Variants in CTBP2 observed in about 807,000 individuals in gnomAD.
CTBP2 encodes C-terminal-binding protein 2.
CTBP2 carries 30 observed loss-of-function variants against 80.3 expected under a neutral mutation model. That is an observed-to-expected ratio of 0.37 (90% CI 0.28 to 0.51). The LOEUF is 0.51. CTBP2 is among the 20% of genes least tolerant of loss of function. The pLI, the probability that CTBP2 is intolerant of heterozygous loss-of-function variation, is 0.93. For missense variants in CTBP2, 1,212 were observed against 1,375.3 expected, an observed-to-expected ratio of 0.88 and a Z score of 1.88; for synonymous variants, 594 against 587.4, an observed-to-expected ratio of 1.01 and a Z score of -0.16.
intron 2 of CTBP2, among the ~76,000 whole-genome samples, chr10:125,045,305 A>C (rs1960949999): frequency 6.6e-6 from 1 of 152,192 alleles, no homozygotes; most frequent in African/African-American, 2.4e-5. Context: ...CACTCAGTCG[A>C]TGGTATTTTT....
intron 7 of CTBP2, 87 bp from the exon 10 acceptor site, chr10:124,992,899 A>C: frequency 9.4e-7 from 1 of 1,066,144 alleles, no homozygotes; most frequent in Non-Finnish European, 1.4e-6. Context: ...TATGTGGGGA[A>C]ATAAGCATTT....
chr10:125,086,612 TTAAAAAAA>T (rs1434456546), intron 2 of CTBP2, among the ~76,000 whole-genome samples: 11 of 74,458 alleles, frequency 1.5e-4, no homozygotes, highest in African/African-American at 5.5e-4. Context: ...AAAATTTTAT[TTAAAAAAA>T]AAAAAAAAAA....
At chr10:125,137,732 A>C (rs1857177644) in intron 1 of CTBP2, among the ~76,000 whole-genome samples, 1 of 152,216 alleles carries the variant, frequency 6.6e-6, no homozygotes, top group African/African-American at 2.4e-5. Flanking sequence ...GTCAGCAAAA[A>C]TCCGTAAATA....
chr10:125,072,931 C>T (rs187832093), intron 2 of CTBP2, among the ~76,000 whole-genome samples: 175 of 152,292 alleles, frequency 1.1e-3, no homozygotes, highest in African/African-American at 3.9e-3. Flanking sequence ...CTGTTGACTA[C>T]AGTTTTGGCA....
At chr10:125,036,240 G>C (rs1434938692) in intron 3 of CTBP2, among the ~76,000 whole-genome samples, 1 of 152,212 alleles carries the variant, frequency 6.6e-6, no homozygotes, top group African/African-American at 2.4e-5. Context: ...AACAGGGAAA[G>C]GTTGTACAAG....
chr10:125,072,460 A>G (rs923746121), intron 2 of CTBP2, among the ~76,000 whole-genome samples: 4 of 151,922 alleles, frequency 2.6e-5, no homozygotes, highest in African/African-American at 9.7e-5. Flanking sequence ...ACTAAAAACA[A>G]AAACAATTAG....
At position 124,986,632 on chromosome 10, in the gene CTBP2, G is replaced by A; in HGVS notation, c.*2886C>T. 6.6e-6 allele frequency: 1 copy of A among 152,172 alleles called. No individual in the cohort carries two copies. The highest frequency in any genetic ancestry group is 1.9e-4 in the East Asian group (1 of 5,202). The allele number at this position is 152,172 out of a possible 1,614,324, so 9.4% of individuals were successfully genotyped here. A position where few individuals can be genotyped will look rare whatever the true frequency, so the allele number is the denominator to read the frequency against. On this transcript the variant is annotated 3_prime_UTR_variant, in exon 9 of 9. Coordinates refer to ENST00000309035, the MANE Select transcript of CTBP2 (RefSeq NM_022802.3). ...ATGTAAATGCTGCTGTTTGTTTCAA[G>A]TGGTGAATGTGTTGTTAAAAATTGG...
intron 2 of CTBP2, among the ~76,000 whole-genome samples, chr10:125,076,353 C>A (rs973430936): frequency 1.8e-4 from 27 of 152,304 alleles, no homozygotes; most frequent in Admixed American, 1.4e-3. Flanking sequence ...TTTGGGAGCA[C>A]GGCCATCGCC....
At chr10:125,038,255 G>T (rs573660153) in intron 3 of CTBP2, among the ~76,000 whole-genome samples, 1 of 152,294 alleles carries the variant, frequency 6.6e-6, no homozygotes, top group East Asian at 1.9e-4. Context: ...ACTTCAGCGT[G>T]TGCGTGAAGG....
chr10:125,003,288 G>A, intron 2 of CTBP2, 50 bp downstream of exon 4: 1 of 1,593,770 alleles, frequency 6.3e-7, no homozygotes, highest in Non-Finnish European at 8.5e-7. Flanking sequence ...ATGCTGGGGA[G>A]GAAACTGCCC....
rs763184112 is a variant in CTBP2, at chr10:124,994,419, G to A, written c.2400+50C>T. On this transcript the variant is annotated intron_variant, in intron 5 of 8. Coordinates refer to ENST00000309035, the MANE Select transcript of CTBP2 (RefSeq NM_022802.3). ...GTGTCCCTCTTGTGCCCACAAGCAA[G>A]TGCTACCACCTTTCGACAGAAGCTT... 3 of 1,581,338 alleles carry A rather than the reference G, an allele frequency of 1.9e-6. No homozygotes were observed. The East Asian group carries it at 6.7e-5, about 35-fold the overall frequency.
intron 2 of CTBP2, among the ~76,000 whole-genome samples, chr10:125,046,363 C>T (rs1017277711): frequency 2.0e-5 from 3 of 151,748 alleles, no homozygotes; most frequent in East Asian, 1.9e-4. Flanking sequence ...ATGGTGAAAC[C>T]CCATCTCTAC....
chr10:125,098,088 TC>T (rs1378549100), intron 2 of CTBP2, among the ~76,000 whole-genome samples: 1 of 152,092 alleles, frequency 6.6e-6, no homozygotes, highest in African/African-American at 2.4e-5. Context: ...ACCACTGCAC[TC>T]CAGTCTGGGC....
chr10:125,012,592 G>C (rs1433869157), intron 1 of CTBP2, among the ~76,000 whole-genome samples: 1 of 152,200 alleles, frequency 6.6e-6, no homozygotes, highest in East Asian at 1.9e-4. Flanking sequence ...GATCCTCCAA[G>C]CCTCTGTGGA....
intron 2 of CTBP2, chr10:125,088,372 T>A (rs1848306146): frequency 6.6e-6 from 1 of 152,154 alleles, no homozygotes. Context: ...TTAGTACAGA[T>A]GATAACCATG....
At chr10:125,017,951 G>A (rs1276388534) in intron 1 of CTBP2, among the ~76,000 whole-genome samples, 1 of 152,200 alleles carries the variant, frequency 6.6e-6, no homozygotes, top group Non-Finnish European at 1.5e-5. Context: ...TGCTGCTCCA[G>A]AGCCCGTCAT....
At chr10:125,091,388 C>T (rs969742094) in intron 2 of CTBP2, among the ~76,000 whole-genome samples, 11 of 152,194 alleles carry the variant, frequency 7.2e-5, no homozygotes, top group Admixed American at 3.3e-4. Flanking sequence ...GCTCTGTCTT[C>T]GTAAATCTTG....
intron 2 of CTBP2, among the ~76,000 whole-genome samples, chr10:125,053,293 T>C (rs1316001784): frequency 3.3e-5 from 5 of 151,786 alleles, no homozygotes; most frequent in African/African-American, 4.8e-5. Context: ...ACAAAGGACA[T>C]GGGAGCAGGA....
At chr10:125,058,000 C>G (rs1201524126) in intron 2 of CTBP2, among the ~76,000 whole-genome samples, 3 of 152,172 alleles carry the variant, frequency 2.0e-5, no homozygotes, top group Non-Finnish European at 4.4e-5. Context: ...ATGCCATCAA[C>G]GAGCTGGGTG....
Sources: allele counts gnomAD v4.1 joint callset (sites outside exome capture counted in the v4.1 genomes callset), GRCh38; gene constraint gnomAD v4.1.1; transcripts MANE v1.5; gene names NCBI Gene and HGNC (gene_info 2026-07-23, HGNC 2026-07-21).